KCNQ3: variants seen among roughly 807,000 people sequenced by gnomAD.
The protein encoded by KCNQ3 is potassium voltage-gated channel subfamily KQT member 3.
Under a neutral mutation model 92.5 loss-of-function variants are expected in KCNQ3, and 30 were observed. The observed-to-expected ratio is 0.32, with a 90% confidence interval of 0.24 to 0.44. The LOEUF (loss-of-function observed/expected upper bound fraction) is 0.44, where lower values mean the gene tolerates loss of function less well. KCNQ3 is among the 20% of genes least tolerant of loss of function. The pLI, the probability that KCNQ3 is intolerant of heterozygous loss-of-function variation, is 1.00. For synonymous variants in KCNQ3, 450 were observed against 468.8 expected, an observed-to-expected ratio of 0.96 and a Z score of 0.52; for missense variants, 913 against 1,140.3, an observed-to-expected ratio of 0.80 and a Z score of 2.87.
At chr8:132,133,619 G>C (rs1251353392) in intron 13 of KCNQ3, among the ~76,000 whole-genome samples, 1 of 152,164 alleles carries the variant, frequency 6.6e-6, no homozygotes, top group Non-Finnish European at 1.5e-5. Flanking sequence ...CTCCTGAAGG[G>C]CTGGGATTAC....
chr8:132,475,411 C>T (rs1004458759), intron 1 of KCNQ3, among the ~76,000 whole-genome samples: 1 of 152,134 alleles, frequency 6.6e-6, no homozygotes, highest in Non-Finnish European at 1.5e-5. Context: ...GACCAAAATG[C>T]TGACAGTGAT....
In KCNQ3 at chr8:132,154,192, AGTTTTTTTTTTTTTTTT is replaced by A. The variant is rs1371022183; in HGVS notation, c.1262+9259_1262+9275del. Among the ~76,000 whole-genome samples the A allele has an allele frequency of 1.3e-3, 134 of 104,478 alleles. 3 individuals carry two copies. The highest frequency in any genetic ancestry group is 4.3e-3 in the African/African-American group (131 of 30,328). The allele number at this position is 104,478 out of a possible 152,430, so 68.5% of individuals were successfully genotyped here. A position where few individuals can be genotyped will look rare whatever the true frequency, so the allele number is the denominator to read the frequency against. The stretch of plus-strand genomic sequence containing the variant: ...CCTGATGTACCATCAAAAGGGTAAA[AGTTTTTTTTTTTTTTTT>A]TTTTTTTTTTTTTTAGCCAATCAGG... On this transcript the variant is annotated intron_variant, in intron 9 of 14. Coordinates refer to ENST00000388996, the MANE Select transcript of KCNQ3 (RefSeq NM_004519.4).
intron 1 of KCNQ3, among the ~76,000 whole-genome samples, chr8:132,381,829 G>T (rs1819759536): frequency 6.6e-6 from 1 of 152,194 alleles, no homozygotes; most frequent in Admixed American, 6.5e-5. Context: ...CCACAACCTT[G>T]TACACCAGGG....
At chr8:132,303,545 T>A (rs10956656) in intron 1 of KCNQ3, among the ~76,000 whole-genome samples, 1 of 83,972 alleles carries the variant, frequency 1.2e-5, no homozygotes, top group Non-Finnish European at 2.4e-5. Flanking sequence ...GGAGCACTTG[T>A]GATCAGATAA....
intron 1 of KCNQ3, among the ~76,000 whole-genome samples, chr8:132,426,702 T>C (rs1422081922): frequency 6.6e-6 from 1 of 152,222 alleles, no homozygotes; most frequent in South Asian, 2.1e-4. Flanking sequence ...AATGGTTTTA[T>C]CAATTTCTCC....
rs1275217774 is a variant in KCNQ3, at chr8:132,123,515, T to C, written c.*5747A>G. 1 of 152,204 alleles carries C rather than the reference T, an allele frequency of 6.6e-6. No individual in the cohort carries two copies. The highest frequency in any genetic ancestry group is 1.5e-5 in the Non-Finnish European group (1 of 68,046). The allele number at this position is 152,204 out of a possible 1,614,324, so 9.4% of individuals were successfully genotyped here. A position where few individuals can be genotyped will look rare whatever the true frequency, so the allele number is the denominator to read the frequency against. On this transcript the variant is annotated 3_prime_UTR_variant, in exon 15 of 15. Coordinates refer to ENST00000388996, the MANE Select transcript of KCNQ3 (RefSeq NM_004519.4). ...AAGGTATGTCCGGTTTAACAGTTTC[T>C]CAAGTGGGCCAGGAAGTTCTTTTTC...
intron 1 of KCNQ3, among the ~76,000 whole-genome samples, chr8:132,399,428 T>C (rs1820278318): frequency 6.6e-6 from 1 of 152,196 alleles, no homozygotes; most frequent in African/African-American, 2.4e-5. Context: ...AGTCTTCTAC[T>C]TCCTCTTATC....
chr8:132,270,069 TC>T (rs776473407), intron 1 of KCNQ3, among the ~76,000 whole-genome samples: 1 of 151,940 alleles, frequency 6.6e-6, no homozygotes, highest in Non-Finnish European at 1.5e-5. Flanking sequence ...TCTCTAACCT[TC>T]CCGCTTTCTT....
Position 132,129,551 on chromosome 8 carries a change from C to CG in KCNQ3, c.2329dup (p.Arg777ProfsTer5), listed in dbSNP as rs747993516. On this transcript the variant is annotated frameshift_variant, in exon 15 of 15. Coordinates refer to ENST00000388996, the MANE Select transcript of KCNQ3 (RefSeq NM_004519.4). LOFTEE classifies it high-confidence loss of function. This position sits in a 1 kb window ranked among gnomAD's most constrained non-coding sequence, Gnocchi z 5.9. ...GTCTCGCGTGATGCTACGTCTCTGC[C>CG]GGGGGGAGATTCGGTCCGAGTAGGG... 1.2e-6 allele frequency: 2 copies of CG among 1,614,118 alleles called. No individual in the cohort carries two copies. Among genetic ancestry groups the CG allele is most frequent in the Non-Finnish European group, 8.5e-7 (1 of 1,180,024 alleles).
intron 1 of KCNQ3, among the ~76,000 whole-genome samples, chr8:132,413,443 A>T (rs971821392): frequency 1.1e-4 from 16 of 152,228 alleles, no homozygotes; most frequent in African/African-American, 3.9e-4. Flanking sequence ...CCTTTCAGTC[A>T]GCAGTTAATT....
chr8:132,395,880 C>T (rs116854243), intron 1 of KCNQ3, among the ~76,000 whole-genome samples: 6 of 152,328 alleles, frequency 3.9e-5, no homozygotes, highest in Non-Finnish European at 8.8e-5. Context: ...CATGGGAACA[C>T]GAACTGGCCC....
At chr8:132,159,284 G>T (rs529144014) in intron 9 of KCNQ3, among the ~76,000 whole-genome samples, 1 of 152,112 alleles carries the variant, frequency 6.6e-6, no homozygotes, top group East Asian at 1.9e-4. Flanking sequence ...TTGTCTACTT[G>T]ATGTTTCGTC....
intron 1 of KCNQ3, among the ~76,000 whole-genome samples, chr8:132,231,498 AG>A (rs1353933974): frequency 3.3e-5 from 5 of 152,242 alleles, no homozygotes; most frequent in Non-Finnish European, 7.3e-5. Context: ...AAAGACACAA[AG>A]GTGATCCTCT....
intron 1 of KCNQ3, among the ~76,000 whole-genome samples, chr8:132,445,680 A>AC (rs1423439512): frequency 1.8e-5 from 2 of 111,730 alleles, no homozygotes; most frequent in Non-Finnish European, 3.4e-5. Context: ...ACCCCAAAAA[A>AC]ACACACAAAA....
chr8:132,195,613 C>A (rs1330692948), intron 1 of KCNQ3, among the ~76,000 whole-genome samples: 4 of 152,176 alleles, frequency 2.6e-5, no homozygotes, highest in Non-Finnish European at 5.9e-5. Context: ...ACTGATTATG[C>A]CAAACCCCTG....
intron 1 of KCNQ3, among the ~76,000 whole-genome samples, chr8:132,411,149 G>C (rs938594914): frequency 2.6e-5 from 4 of 152,226 alleles, no homozygotes; most frequent in Non-Finnish European, 4.4e-5. Flanking sequence ...ATGCATAAAG[G>C]TTCCACCTGA....
Position 132,154,213 on chromosome 8 carries a change from T to TTTGTTTTTTTTTTTTTTTTTTG in KCNQ3, c.1262+9254_1262+9255insCAAAAAAAAAAAAAAAAAACAA, listed in dbSNP as rs59178662. Among the ~76,000 whole-genome samples the TTTGTTTTTTTTTTTTTTTTTTG allele has an allele frequency of 2.8e-5, 4 of 142,280 alleles. No homozygotes were observed. In the South Asian group the frequency reaches 9.7e-4, roughly 34 times the overall value. The allele number at this position is 142,280 out of a possible 152,430, so 93.3% of individuals were successfully genotyped here. A position where few individuals can be genotyped will look rare whatever the true frequency, so the allele number is the denominator to read the frequency against. ...TAAAAGTTTTTTTTTTTTTTTTTTT[T>TTTGTTTTTTTTTTTTTTTTTTG]TTTTTTTTTTAGCCAATCAGGCTTT... On this transcript the variant is annotated intron_variant, in intron 9 of 14. Transcript: ENST00000388996.
At chr8:132,370,561 G>A (rs1819446832) in intron 1 of KCNQ3, among the ~76,000 whole-genome samples, 1 of 152,046 alleles carries the variant, frequency 6.6e-6, no homozygotes, top group South Asian at 2.1e-4. Flanking sequence ...AGGGCCTCAA[G>A]CAGCTCCAAT....
chr8:132,139,664 A>C (rs1329874434), intron 11 of KCNQ3, among the ~76,000 whole-genome samples: 1 of 152,214 alleles, frequency 6.6e-6, no homozygotes, highest in Non-Finnish European at 1.5e-5. Flanking sequence ...CTTGTTAAAA[A>C]TGCGAACTAA....
Sources: allele counts gnomAD v4.1 joint callset (sites outside exome capture counted in the v4.1 genomes callset), GRCh38; gene constraint gnomAD v4.1.1; non-coding constraint Gnocchi (gnomAD v3.1); transcripts MANE v1.5; gene names NCBI Gene and HGNC (gene_info 2026-07-23, HGNC 2026-07-21).